The following SNRPF variants were observed in gnomAD, a reference collection of about 807,000 sequenced individuals.
SNRPF encodes the protein small nuclear ribonucleoprotein F.
Under a neutral mutation model 13.4 loss-of-function variants are expected in SNRPF, and 1 was observed. The ratio of observed to expected loss-of-function variants is 0.07; its 90% CI spans 0.03 to 0.35. The LOEUF is 0.35. Ranked by LOEUF, SNRPF falls within the 10% of genes least tolerant of loss-of-function variation. The pLI is 0.99. For missense variants in SNRPF, 53 were observed against 101.0 expected, an observed-to-expected ratio of 0.52 and a Z score of 2.04; for synonymous variants, 27 against 32.1, an observed-to-expected ratio of 0.84 and a Z score of 0.54.
chr12:95,859,036 C>T lies in SNRPF; in HGVS notation c.-38C>T, dbSNP rs1471210187. 4.3e-6 allele frequency: 7 copies of T among 1,611,242 alleles called. No homozygotes were observed. Among genetic ancestry groups the T allele is most frequent in the East Asian group, 2.2e-5 (1 of 44,740 alleles). ...CACGAGGGACGGGCGGCGGCCTGGT[C>T]GGCAGAGAGTAGCCTGCAACATTCG... On this transcript the variant is annotated 5_prime_UTR_variant, in exon 1 of 4. Transcript: ENST00000266735.
chr12:95,864,892 C>T (rs551742520), intron 2 of SNRPF, among the ~76,000 whole-genome samples: 7 of 152,320 alleles, frequency 4.6e-5, no homozygotes, highest in African/African-American at 1.7e-4. Context: ...CAGAGGGAGA[C>T]CCTGTTTCTT....
intron 1 of SNRPF, 112 bp from the exon 2 acceptor site, chr12:95,861,056 G>A (rs1490754805): frequency 1.2e-6 from 1 of 837,848 alleles, no homozygotes; most frequent in African/African-American, 1.8e-5. Context: ...AAATAATAAG[G>A]AGTCAAAAGT....
rs533860089 is a variant in SNRPF, at chr12:95,861,161, T to C, written c.4-7T>C. 1.9e-5 allele frequency: 31 copies of C among 1,601,056 alleles called. 1 individual carries two copies. The South Asian group carries it at 3.3e-4, about 17-fold the overall frequency. On this transcript the variant is annotated splice_polypyrimidine_tract_variant and splice_region_variant and intron_variant, in intron 1 of 3. Transcript: ENST00000266735. The stretch of plus-strand genomic sequence containing the variant: ...ATTAATTAGATCCTTTTTTGTTCTT[T>C]GTGCAGAGTTTACCCCTCAATCCCA...
intron 1 of SNRPF, among the ~76,000 whole-genome samples, chr12:95,860,174 G>T (rs1454210048): frequency 1.3e-5 from 2 of 152,254 alleles, no homozygotes; most frequent in Admixed American, 6.5e-5. Context: ...GACAAAGTCA[G>T]ATAGGACCTA....
chr12:95,866,140 A>G lies in SNRPF; in HGVS notation c.*69A>G. ...AAAGATTTGTTTGTTTTTCAACTTG[A>G]CTTGTGAACTATTTGTATTCAGATA... On this transcript the variant is annotated 3_prime_UTR_variant, in exon 4 of 4. Coordinates refer to ENST00000266735, the MANE Select transcript of SNRPF (RefSeq NM_003095.5). 1 of 776,156 alleles carries G rather than the reference A, an allele frequency of 1.3e-6. No homozygotes were observed. The highest frequency in any genetic ancestry group is 2.4e-5 in the Admixed American group (1 of 41,396). 48.1% of individuals were successfully genotyped at this position (776,156 alleles called of 1,614,324 possible).
chr12:95,861,096 G>C, intron 1 of SNRPF, 72 bp from the exon 2 acceptor site: 1 of 1,413,032 alleles, frequency 7.1e-7, no homozygotes. Context: ...CAAAATATTG[G>C]TGATTCGGTA....
At chr12:95,863,663 T>C (rs2079507461) in intron 2 of SNRPF, among the ~76,000 whole-genome samples, 1 of 152,194 alleles carries the variant, frequency 6.6e-6, no homozygotes, top group South Asian at 2.1e-4. Context: ...AATGTGATAA[T>C]AGGCATGATA....
chr12:95,863,986 A>T (rs1449681200), intron 2 of SNRPF, among the ~76,000 whole-genome samples: 1 of 152,154 alleles, frequency 6.6e-6, no homozygotes, highest in African/African-American at 2.4e-5. Flanking sequence ...AAGTATTTGG[A>T]ACATTATTGT....
At chr12:95,862,184 T>C (rs575152241) in intron 2 of SNRPF, among the ~76,000 whole-genome samples, 8 of 152,358 alleles carry the variant, frequency 5.3e-5, no homozygotes, top group African/African-American at 1.9e-4. Context: ...TCATCCATGT[T>C]GTAGCATGTG....
intron 2 of SNRPF, among the ~76,000 whole-genome samples, chr12:95,862,334 G>A (rs1473434194): frequency 2.0e-5 from 3 of 152,112 alleles, no homozygotes; most frequent in African/African-American, 7.2e-5. Context: ...ATGGGTATAC[G>A]AATGTCTGTT....
intron 2 of SNRPF, 34 bp from the exon 3 acceptor site, chr12:95,865,290 G>T (rs755183485): frequency 5.6e-6 from 6 of 1,073,318 alleles, no homozygotes; most frequent in Non-Finnish European, 8.6e-6. Context: ...TTCCTCCTGT[G>T]TGATTATACT....
intron 3 of SNRPF, among the ~76,000 whole-genome samples, chr12:95,865,708 T>TTA (rs1262966718): frequency 2.9e-4 from 44 of 152,280 alleles, no homozygotes; most frequent in African/African-American, 1.1e-3. Flanking sequence ...TGGGTCTGGC[T>TTA]GTTTTGTTAT....
In SNRPF at chr12:95,859,002, T is replaced by A. The variant is rs913685772; in HGVS notation, c.-72T>A. The A allele has an allele frequency of 8.1e-6, 13 of 1,601,236 alleles. No homozygotes were observed. Among genetic ancestry groups the A allele is most frequent in the Non-Finnish European group, 1.1e-5 (13 of 1,175,450 alleles). On this transcript the variant is annotated 5_prime_UTR_variant, in exon 1 of 4. Coordinates refer to ENST00000266735, the MANE Select transcript of SNRPF (RefSeq NM_003095.5). ...ACTGCGGCTCGGGACCTGCGGTACC[T>A]GCTGTAGTCACGAGGGACGGGCGGC...
chr12:95,865,096 G>A, intron 2 of SNRPF: 1 of 333,572 alleles, frequency 3.0e-6, no homozygotes, highest in Non-Finnish European at 5.5e-6. Context: ...GGGAGATTCA[G>A]AAACTTATGT....
intron 1 of SNRPF, among the ~76,000 whole-genome samples, chr12:95,860,364 C>T (rs1228127607): frequency 2.0e-5 from 3 of 152,178 alleles, no homozygotes; most frequent in African/African-American, 7.2e-5. Flanking sequence ...GCATTTTTTC[C>T]CGCTCTGGAA....
At chr12:95,862,296 G>A (rs190343840) in intron 2 of SNRPF, among the ~76,000 whole-genome samples, 9 of 152,162 alleles carry the variant, frequency 5.9e-5, no homozygotes, top group African/African-American at 1.9e-4. Flanking sequence ...TCCCTCTTTG[G>A]ACTGTAGTAA....
In SNRPF at chr12:95,859,047, A is replaced by G. The variant is rs1323633273; in HGVS notation, c.-27A>G. The G allele has an allele frequency of 6.2e-7, 1 of 1,612,644 alleles. No homozygotes were observed. The highest frequency in any genetic ancestry group is 1.1e-5 in the South Asian group (1 of 90,534). ...GGCGGCGGCCTGGTCGGCAGAGAGTAGCCTGCAACATTCGGCCGTGGTTAC... is the reference window on the plus strand; with the variant it reads ...GGCGGCGGCCTGGTCGGCAGAGAGTGGCCTGCAACATTCGGCCGTGGTTAC... On this transcript the variant is annotated 5_prime_UTR_variant, in exon 1 of 4. Coordinates refer to ENST00000266735, the MANE Select transcript of SNRPF (RefSeq NM_003095.5).
chr12:95,863,629 T>A (rs2079506256), intron 2 of SNRPF, among the ~76,000 whole-genome samples: 1 of 152,096 alleles, frequency 6.6e-6, no homozygotes, highest in Admixed American at 6.6e-5. Flanking sequence ...CAGTTTATGG[T>A]TTAGTGGTGG....
At chr12:95,864,251 A>G (rs182525047) in intron 2 of SNRPF, among the ~76,000 whole-genome samples, 9 of 151,972 alleles carry the variant, frequency 5.9e-5, no homozygotes, top group Admixed American at 2.6e-4. Context: ...GTTAAGCCCT[A>G]TTTTTCTTTT....
Sources: gnomAD v4.1 joint callset for allele counts (sites outside exome capture counted in the v4.1 genomes callset) on GRCh38, gnomAD v4.1.1 for gene constraint, MANE v1.5 for transcripts, NCBI Gene and HGNC (gene_info 2026-07-23, HGNC 2026-07-21) for gene names.